The following ATXN1 variants were observed in gnomAD, a reference collection of about 807,000 sequenced individuals.
ATXN1 encodes ataxin 1, also known as ataxin-1.
ATXN1 carries 8 observed loss-of-function variants against 56.4 expected under a neutral mutation model. The observed-to-expected ratio is 0.14, with a 90% confidence interval of 0.08 to 0.26. ATXN1 has a LOEUF of 0.26. ATXN1 is among the 10% of genes least tolerant of loss of function. The probability of loss-of-function intolerance (pLI) is 1.00; values close to 1 mark genes in which losing one functional copy is unlikely to be tolerated. For missense variants in ATXN1, 987 were observed against 1,106.5 expected (o/e 0.89, Z 1.53); for synonymous variants, 514 against 494.6 (o/e 1.04, Z -0.52).
intron 2 of ATXN1, among the ~76,000 whole-genome samples, chr6:16,722,180 A>ACG (rs1759759338): frequency 1.3e-5 from 2 of 152,208 alleles, no homozygotes; most frequent in Admixed American, 6.5e-5. Flanking sequence ...GAGTCCAAGC[A>ACG]CGCACATTAC....
chr6:16,425,323 G>A (rs554239896), intron 6 of ATXN1, among the ~76,000 whole-genome samples: 4 of 152,126 alleles, frequency 2.6e-5, no homozygotes, highest in South Asian at 2.1e-4. Flanking sequence ...CCTCACCCAC[G>A]TGTATTACTT....
At chr6:16,635,029 G>A (rs184993329) in intron 3 of ATXN1, among the ~76,000 whole-genome samples, 12 of 152,238 alleles carry the variant, frequency 7.9e-5, no homozygotes, top group Admixed American at 2.6e-4. Flanking sequence ...AGCAGTAGGC[G>A]AATGAGCAAA....
intron 2 of ATXN1, among the ~76,000 whole-genome samples, chr6:16,723,923 T>C (rs1417263089): frequency 6.6e-6 from 1 of 152,210 alleles, no homozygotes; most frequent in African/African-American, 2.4e-5. Context: ...TGTGTTTTTT[T>C]AACATAAGAC....
At chr6:16,601,808 G>A (rs779100071) in intron 3 of ATXN1, among the ~76,000 whole-genome samples, 22 of 152,106 alleles carry the variant, frequency 1.4e-4, no homozygotes, top group Non-Finnish European at 2.8e-4. Flanking sequence ...AGCCAAGATT[G>A]CACCACTGCA....
In ATXN1 at chr6:16,321,490, C is replaced by T. The variant is rs1050837189; in HGVS notation, c.1917+4904G>A. ...GTAACAATGGACAACACCTGGCATT[C>T]CCCTTTCCTCCCACAGCACCTAGGT... On this transcript the variant is annotated intron_variant, in intron 7 of 7. Coordinates refer to ENST00000436367, the MANE Select transcript of ATXN1 (RefSeq NM_001128164.2). Among the ~76,000 whole-genome samples the T allele has an allele frequency of 8.5e-5, 13 of 152,236 alleles. No individual in the cohort carries two copies. The East Asian group carries it at 2.5e-3, about 29-fold the overall frequency.
chr6:16,582,728 T>C (rs1762551634), intron 4 of ATXN1, among the ~76,000 whole-genome samples: 1 of 152,232 alleles, frequency 6.6e-6, no homozygotes, highest in Admixed American at 6.5e-5. Context: ...CCTAGAGAAA[T>C]TTATTCTGGT....
At chr6:16,575,330 T>A (rs1762403345) in intron 4 of ATXN1, among the ~76,000 whole-genome samples, 1 of 152,236 alleles carries the variant, frequency 6.6e-6, no homozygotes, top group Non-Finnish European at 1.5e-5. Flanking sequence ...TACTATGAGT[T>A]CTAATGATGT....
At chr6:16,739,019 T>TC (rs1463840049) in intron 2 of ATXN1, 1 of 152,158 alleles carries the variant, frequency 6.6e-6, no homozygotes, top group African/African-American at 2.4e-5. Flanking sequence ...TACATAACAT[T>TC]CCATGGGCTG....
At chr6:16,391,344 C>T (rs9464895) in intron 6 of ATXN1, among the ~76,000 whole-genome samples, 20,872 of 151,942 alleles carry the variant, frequency 0.14, 1,638 homozygotes, top group African/African-American at 0.21. Context: ...CAGAGGTTCT[C>T]AAACATGGCT....
At chr6:16,362,791 G>A (rs1162919419) in intron 6 of ATXN1, among the ~76,000 whole-genome samples, 1 of 152,114 alleles carries the variant, frequency 6.6e-6, no homozygotes, top group Non-Finnish European at 1.5e-5. Flanking sequence ...TTACATTTCA[G>A]CACTAAATCT....
In ATXN1 at chr6:16,587,204, A is replaced by T. The variant is rs573902173; in HGVS notation, c.-488-1297T>A. Among the ~76,000 whole-genome samples the T allele has an allele frequency of 2.6e-5, 4 of 152,344 alleles. No homozygotes were observed. The East Asian group carries it at 7.7e-4, about 29-fold the overall frequency. ...TTGGTGGTTATTTTAGTAAATTAAA[A>T]ATGCTAAGTAATCCCAAATCCAGAT... On this transcript the variant is annotated intron_variant, in intron 3 of 7. Transcript: ENST00000436367.
chr6:16,669,646 C>T (rs1758498359), intron 2 of ATXN1, among the ~76,000 whole-genome samples: 1 of 148,648 alleles, frequency 6.7e-6, no homozygotes. Context: ...TCCTATTGCT[C>T]TCTGAACTGA....
At chr6:16,376,944 T>C (rs188938546) in intron 6 of ATXN1, among the ~76,000 whole-genome samples, 1 of 152,352 alleles carries the variant, frequency 6.6e-6, no homozygotes, top group East Asian at 1.9e-4. Context: ...TACAAAGATA[T>C]AACCTGCAGG....
At chr6:16,402,662 T>C (rs1758602050) in intron 6 of ATXN1, among the ~76,000 whole-genome samples, 1 of 152,200 alleles carries the variant, frequency 6.6e-6, no homozygotes, top group African/African-American at 2.4e-5. Context: ...ATCATTTACA[T>C]GGGCCCAGAC....
At chr6:16,542,430 T>TGTTAC (rs1253987802) in intron 4 of ATXN1, among the ~76,000 whole-genome samples, 2 of 152,244 alleles carry the variant, frequency 1.3e-5, no homozygotes, top group Non-Finnish European at 2.9e-5. Flanking sequence ...CTCCCTCCTA[T>TGTTAC]GTTACTTTGG....
At chr6:16,432,979 C>G (rs1019999647) in intron 6 of ATXN1, 10 of 152,188 alleles carry the variant, frequency 6.6e-5, no homozygotes, top group African/African-American at 2.4e-4. Flanking sequence ...AGCAATAATT[C>G]TGCTTGAAAG....
At chr6:16,729,168 T>C (rs146800740) in intron 2 of ATXN1, among the ~76,000 whole-genome samples, 110 of 152,350 alleles carry the variant, frequency 7.2e-4, no homozygotes, top group African/African-American at 2.3e-3. Flanking sequence ...AAGTTTGTTA[T>C]TGGCAGAACC....
chr6:16,566,126 A>C (rs931641189), intron 4 of ATXN1, among the ~76,000 whole-genome samples: 1 of 152,238 alleles, frequency 6.6e-6, no homozygotes, highest in Non-Finnish European at 1.5e-5. Flanking sequence ...ACAAGAATAA[A>C]GCTTTCATGT....
intron 6 of ATXN1, among the ~76,000 whole-genome samples, chr6:16,370,067 G>A (rs1447216530): frequency 2.6e-5 from 4 of 152,036 alleles, no homozygotes; most frequent in African/African-American, 7.2e-5. Flanking sequence ...GGTGACTGTC[G>A]TTCAAAGCCC....
Sources: allele counts gnomAD v4.1 joint callset (sites outside exome capture counted in the v4.1 genomes callset), GRCh38; gene constraint gnomAD v4.1.1; transcripts MANE v1.5; gene names NCBI Gene and HGNC (gene_info 2026-07-23, HGNC 2026-07-21).